Variants in TF observed in about 807,000 individuals in gnomAD.
TF encodes the protein serotransferrin.
A neutral mutation model predicts 82.4 loss-of-function variants in TF; 55 were observed. The ratio of observed to expected loss-of-function variants is 0.67; its 90% CI spans 0.54 to 0.84. TF has a LOEUF of 0.84. TF is among the 40% of genes least tolerant of loss of function. The probability of loss-of-function intolerance (pLI) is 0.00; values close to 1 mark genes in which losing one functional copy is unlikely to be tolerated. For synonymous variants in TF, 332 were observed against 332.6 expected (o/e 1.00, Z 0.02); for missense variants, 737 against 868.4 (o/e 0.85, Z 1.90).
intron 9 of TF, 51 bp downstream of exon 9, chr3:133,759,380 TG>T: frequency 6.2e-7 from 1 of 1,607,038 alleles, no homozygotes; most frequent in South Asian, 1.1e-5. Context: ...TGCTGCCTGC[TG>T]GCCCCCAAGA....
the TF span, among the ~76,000 whole-genome samples, chr3:133,672,476 G>A: frequency 2.5e-4 from 37 of 146,968 alleles, no homozygotes; most frequent in African/African-American, 8.4e-4. Flanking sequence ...AAAAAAAAAA[G>A]TAATCAAGTT....
chr3:133,766,051 A>G (rs1417588691), intron 11 of TF, among the ~76,000 whole-genome samples: 1 of 152,240 alleles, frequency 6.6e-6, no homozygotes, highest in African/African-American at 2.4e-5. Context: ...ACACCCAGCC[A>G]TTGATCTAAT....
the TF span, among the ~76,000 whole-genome samples, chr3:133,705,546 T>C: frequency 2.0e-5 from 3 of 152,168 alleles, no homozygotes; most frequent in African/African-American, 7.2e-5. Context: ...GATTTTGGGA[T>C]GGAACCTATC....
At chr3:133,703,897 C>T in the TF span, among the ~76,000 whole-genome samples, 1 of 152,244 alleles carries the variant, frequency 6.6e-6, no homozygotes, top group South Asian at 2.1e-4. Flanking sequence ...AAATGCATTT[C>T]CTGAGTCTGG....
In TF at chr3:133,785,444, G is replaced by C. The variant is rs1934648859; in HGVS notation, c.*6824G>C. 7.5e-6 allele frequency: 1 copy of C among 132,898 alleles called. No homozygotes were observed. The highest frequency in any genetic ancestry group is 7.1e-5 in the Admixed American group (1 of 14,028). The allele number at this position is 132,898 out of a possible 1,614,324, so 8.2% of individuals were successfully genotyped here. On this transcript the variant is annotated 3_prime_UTR_variant, in exon 17 of 17. Coordinates refer to ENST00000402696, the MANE Select transcript of TF (RefSeq NM_001063.4). ...GCCAGCCGCCTCGTCCGGGAGGGAG[G>C]TGGGGGGGTCAGCCCCCCGCCCGGC...
chr3:133,697,924 A>G, the TF span, among the ~76,000 whole-genome samples: 1 of 152,236 alleles, frequency 6.6e-6, no homozygotes, highest in African/African-American at 2.4e-5. Flanking sequence ...TCAAGAGTTA[A>G]GGCATAAGCA....
At position 133,758,903 on chromosome 3, in the gene TF, G is replaced by A. The variant is rs567252954; in HGVS notation, c.1049-272G>A. On this transcript the variant is annotated intron_variant, in intron 8 of 16. Transcript: ENST00000402696. Reference sequence around the variant, plus strand: ...TAGTTAAGTGCTATCTGAAAAACAAGAAGGAAAAAAACAGCCAGAGGTCAT... The same window carrying A: ...TAGTTAAGTGCTATCTGAAAAACAAAAAGGAAAAAAACAGCCAGAGGTCAT... 2.0e-5 allele frequency among the ~76,000 whole-genome samples: 3 copies of A among 152,166 alleles called. No homozygotes were observed. In the South Asian group the frequency reaches 6.2e-4, roughly 32 times the overall value.
chr3:133,774,183 A>G (rs1187778208), intron 14 of TF: 1 of 152,226 alleles, frequency 6.6e-6, no homozygotes, highest in Non-Finnish European at 1.5e-5. Flanking sequence ...GAGAGGGCTG[A>G]GAACATAGTA....
intron 1 of TF, 157 bp from the exon 2 acceptor site, chr3:133,748,255 A>T: frequency 2.1e-6 from 2 of 947,110 alleles, no homozygotes; most frequent in Non-Finnish European, 3.3e-6. Context: ...GCTCAGACTC[A>T]GAATGCAGTA....
At position 133,759,411 on chromosome 3, in the gene TF, T is replaced by C. The variant is rs139202362; in HGVS notation, c.1203+82T>C. 1.9e-3 allele frequency: 2,999 copies of C among 1,569,806 alleles called. 2 individuals are homozygous for C. The highest frequency in any genetic ancestry group is 2.4e-3 in the Non-Finnish European group (2,792 of 1,149,672). ...CCAAGACTGAGCTAGGGAGTGTTCC[T>C]GGGAATGATGCAAAAACCTGGCTCC... On this transcript the variant is annotated intron_variant, in intron 9 of 16. Coordinates refer to ENST00000402696, the MANE Select transcript of TF (RefSeq NM_001063.4).
the TF span, among the ~76,000 whole-genome samples, chr3:133,673,672 G>A: frequency 6.6e-6 from 1 of 152,188 alleles, no homozygotes; most frequent in Non-Finnish European, 1.5e-5. Context: ...TGTGTTAGAA[G>A]TCAAGATAAT....
At chr3:133,708,767 T>C in the TF span, among the ~76,000 whole-genome samples, 1 of 116,620 alleles carries the variant, frequency 8.6e-6, no homozygotes, top group East Asian at 2.5e-4. Context: ...TTTAAATGTA[T>C]AGGTTTTTTT....
chr3:133,684,047 C>T, the TF span, among the ~76,000 whole-genome samples: 3 of 152,342 alleles, frequency 2.0e-5, no homozygotes, highest in South Asian at 4.1e-4. Flanking sequence ...GATTAAGAAA[C>T]TCACTCAAAA....
intron 7 of TF, 118 bp downstream of exon 7, chr3:133,757,127 A>G (rs1415163653): frequency 2.2e-6 from 3 of 1,337,054 alleles, no homozygotes; most frequent in Non-Finnish European, 3.2e-6. Flanking sequence ...AGTGGGAGCC[A>G]TGCCACATGT....
At chr3:133,667,177 TA>T in the TF span, among the ~76,000 whole-genome samples, 2 of 151,648 alleles carry the variant, frequency 1.3e-5, no homozygotes, top group South Asian at 2.1e-4. Flanking sequence ...ATCTTGTCTC[TA>T]AAAAAAAGTT....
chr3:133,725,665 T>C, the TF span, among the ~76,000 whole-genome samples: 1 of 151,928 alleles, frequency 6.6e-6, no homozygotes, highest in Non-Finnish European at 1.5e-5. Flanking sequence ...TCCTGCCTAA[T>C]TGCCCTGGCC....
At chr3:133,763,390 T>C (rs1934044344) in intron 9 of TF, among the ~76,000 whole-genome samples, 1 of 152,236 alleles carries the variant, frequency 6.6e-6, no homozygotes. Flanking sequence ...ACTTACGTTT[T>C]AAAGAAAAAA....
chr3:133,716,246 C>T, the TF span, among the ~76,000 whole-genome samples: 5 of 152,262 alleles, frequency 3.3e-5, no homozygotes, highest in African/African-American at 9.6e-5. Flanking sequence ...TGACATTTTC[C>T]TGAAACCCCA....
the TF span, among the ~76,000 whole-genome samples, chr3:133,675,242 CAA>C: frequency 6.7e-3 from 372 of 55,360 alleles, 1 homozygote; most frequent in African/African-American, 0.016. Context: ...GAGACTCTGT[CAA>C]AAAAAAAAAA....
Sources: gnomAD v4.1 joint callset for allele counts (sites outside exome capture counted in the v4.1 genomes callset) on GRCh38, gnomAD v4.1.1 for gene constraint, MANE v1.5 for transcripts, NCBI Gene and HGNC (gene_info 2026-07-23, HGNC 2026-07-21) for gene names.